MAST2: variants seen among roughly 807,000 people sequenced by gnomAD.
MAST2 encodes the protein microtubule associated serine/threonine kinase 2, also known as microtubule-associated serine/threonine-protein kinase 2.
Under a neutral mutation model 147.4 loss-of-function variants are expected in MAST2, and 70 were observed. The ratio of observed to expected loss-of-function variants is 0.47; its 90% CI spans 0.39 to 0.58. The LOEUF (loss-of-function observed/expected upper bound fraction) is 0.58. MAST2 is among the 20% of genes least tolerant of loss of function. The pLI is 0.00. For missense variants in MAST2, 2,080 were observed against 2,302.3 expected (o/e 0.90, Z 1.98); for synonymous variants, 869 against 896.8 (o/e 0.97, Z 0.55).
At chr1:45,819,136 C>G (rs1257349195) in intron 1 of MAST2, among the ~76,000 whole-genome samples, 2 of 151,860 alleles carry the variant, frequency 1.3e-5, no homozygotes, top group Non-Finnish European at 2.9e-5. Context: ...ACCTGTAATC[C>G]CAGCTACTTG....
chr1:45,910,607 A>G lies in MAST2; in HGVS notation c.500+28212A>G, dbSNP rs190406051. 5.8e-3 allele frequency among the ~76,000 whole-genome samples: 889 copies of G among 152,340 alleles called. 7 individuals carry two copies. Among genetic ancestry groups the G allele is most frequent in the South Asian group, 0.013 (61 of 4,834 alleles). On this transcript the variant is annotated intron_variant, in intron 4 of 28. Transcript: ENST00000361297. ...GTGCTACTGTTAGGAATAGTGAGCT[A>G]AATTATGAGTACCTTCAGAACTGTG...
chr1:45,810,624 C>T (rs1374716412), intron 1 of MAST2, among the ~76,000 whole-genome samples: 1 of 151,168 alleles, frequency 6.6e-6, no homozygotes, highest in African/African-American at 2.4e-5. Context: ...CCAGCCTGGC[C>T]AACATGATGA....
At chr1:46,028,985 TATG>T (rs751548145) in intron 18 of MAST2, 52 bp downstream of exon 18, 9 of 1,515,804 alleles carry the variant, frequency 5.9e-6, no homozygotes, top group Non-Finnish European at 7.1e-6. Context: ...AATCCACAAA[TATG>T]ATGTATGCAG....
intron 4 of MAST2, among the ~76,000 whole-genome samples, chr1:45,918,673 G>A (rs1229737519): frequency 2.6e-5 from 4 of 152,074 alleles, no homozygotes; most frequent in African/African-American, 9.7e-5. Flanking sequence ...CCTGACCTCA[G>A]GTTATCCACC....
intron 5 of MAST2, among the ~76,000 whole-genome samples, chr1:45,977,945 A>T (rs977043899): frequency 2.6e-5 from 4 of 152,138 alleles, no homozygotes; most frequent in African/African-American, 7.2e-5. Flanking sequence ...TGGGGCCAGC[A>T]CAGGTGGCTC....
At chr1:45,947,383 C>CA (rs1189993929) in intron 4 of MAST2, among the ~76,000 whole-genome samples, 2 of 150,922 alleles carry the variant, frequency 1.3e-5, no homozygotes, top group Non-Finnish European at 2.9e-5. Context: ...TATTGAGCCA[C>CA]ATTCAAAGCT....
chr1:45,875,121 A>G (rs936571661), intron 3 of MAST2, among the ~76,000 whole-genome samples: 1 of 152,162 alleles, frequency 6.6e-6, no homozygotes, highest in Non-Finnish European at 1.5e-5. Context: ...TATCCATTGC[A>G]GAATTATAAG....
chr1:45,899,926 C>T (rs891219201), intron 4 of MAST2, among the ~76,000 whole-genome samples: 2 of 151,674 alleles, frequency 1.3e-5, no homozygotes, highest in Non-Finnish European at 2.9e-5. Context: ...CAGCACTTTA[C>T]TTTGGGAGGC....
chr1:45,868,940 T>G (rs1476235017), intron 3 of MAST2, among the ~76,000 whole-genome samples: 1 of 152,220 alleles, frequency 6.6e-6, no homozygotes, highest in African/African-American at 2.4e-5. Flanking sequence ...TACTCTTCAG[T>G]TTTTAGTACC....
intron 5 of MAST2, among the ~76,000 whole-genome samples, chr1:45,980,899 ATCCAATGGG>A (rs1644379886): frequency 6.6e-6 from 1 of 152,176 alleles, no homozygotes; most frequent in Non-Finnish European, 1.5e-5. Context: ...AATTGTAACC[ATCCAATGGG>A]TCCTCCTTGC....
At chr1:45,816,781 G>T (rs772064205) in intron 1 of MAST2, among the ~76,000 whole-genome samples, 1 of 152,156 alleles carries the variant, frequency 6.6e-6, no homozygotes, top group Non-Finnish European at 1.5e-5. Flanking sequence ...AGGTTCAAGC[G>T]ATTCTCCTGG....
intron 4 of MAST2, among the ~76,000 whole-genome samples, chr1:45,905,796 C>T (rs906578772): frequency 6.6e-6 from 1 of 151,266 alleles, no homozygotes; most frequent in South Asian, 2.1e-4. Context: ...AAATGCCAAA[C>T]TTAGATTTAG....
chr1:45,812,459 G>A (rs943162369), intron 1 of MAST2, among the ~76,000 whole-genome samples: 2 of 135,922 alleles, frequency 1.5e-5, no homozygotes, highest in Non-Finnish European at 3.1e-5. Context: ...ACGGAGTCTC[G>A]CACTGTTGCC....
At chr1:45,913,866 T>C (rs1242694785) in intron 4 of MAST2, 7 of 1,247,110 alleles carry the variant, frequency 5.6e-6, no homozygotes, top group Non-Finnish European at 7.2e-6. Flanking sequence ...GGGAGCACCA[T>C]GTCTGCGGAT....
At chr1:45,980,500 A>T (rs1247407714) in intron 5 of MAST2, among the ~76,000 whole-genome samples, 3 of 152,100 alleles carry the variant, frequency 2.0e-5, no homozygotes, top group Admixed American at 2.0e-4. Flanking sequence ...TTTTTAAAGA[A>T]TCAGTTTAAA....
At chr1:45,880,895 T>A (rs565269777) in intron 3 of MAST2, among the ~76,000 whole-genome samples, 4 of 149,496 alleles carry the variant, frequency 2.7e-5, no homozygotes, top group Non-Finnish European at 5.9e-5. Context: ...GTAGAATCGC[T>A]TGAACCCAGG....
chr1:45,833,609 A>G lies in MAST2; in HGVS notation c.468+4028A>G, dbSNP rs79788365. On this transcript the variant is annotated intron_variant, in intron 3 of 28. Coordinates refer to ENST00000361297, the MANE Select transcript of MAST2 (RefSeq NM_015112.3). ...TCATTTGAAGAACTTTGATTTCTCT[A>G]CATCCTTGCTATCCTGGTGGGTGGG... Among the ~76,000 whole-genome samples, 450 of 152,260 alleles carry G rather than the reference A, an allele frequency of 3.0e-3. 3 individuals are homozygous for G. Among genetic ancestry groups the G allele is most frequent in the East Asian group, 0.02 (106 of 5,188 alleles).
intron 3 of MAST2, among the ~76,000 whole-genome samples, chr1:45,839,190 A>G (rs1002109199): frequency 2.8e-5 from 4 of 141,236 alleles, no homozygotes; most frequent in African/African-American, 1.1e-4. Context: ...GTGCAATGGC[A>G]TGGTCTCAGC....
At chr1:46,026,526 A>G (rs1646419499) in intron 16 of MAST2, among the ~76,000 whole-genome samples, 1 of 152,204 alleles carries the variant, frequency 6.6e-6, no homozygotes, top group Admixed American at 6.5e-5. Flanking sequence ...TGGCATGCCC[A>G]GATTATGGTT....
Sources: gnomAD v4.1 joint callset for allele counts (sites outside exome capture counted in the v4.1 genomes callset) on GRCh38, gnomAD v4.1.1 for gene constraint, MANE v1.5 for transcripts, NCBI Gene and HGNC (gene_info 2026-07-23, HGNC 2026-07-21) for gene names.